The following AADACL3 variants were observed in gnomAD, a reference collection of about 807,000 sequenced individuals.
AADACL3 encodes the protein arylacetamide deacetylase-like 3.
AADACL3 carries 13 observed loss-of-function variants against 13.6 expected under a neutral mutation model. The ratio of observed to expected loss-of-function variants is 0.95; its 90% CI spans 0.62 to 1.52. The LOEUF (loss-of-function observed/expected upper bound fraction) is 1.52, where lower values mean the gene tolerates loss of function less well. AADACL3 is among the 40% of genes most tolerant of loss of function. The probability of loss-of-function intolerance (pLI) is 0.00; values close to 1 mark genes in which losing one functional copy is unlikely to be tolerated. For missense variants in AADACL3, 519 were observed against 499.2 expected, an observed-to-expected ratio of 1.04 and a Z score of -0.38; for synonymous variants, 195 against 197.0, an observed-to-expected ratio of 0.99 and a Z score of 0.08.
At position 12,726,219 on chromosome 1, in the gene AADACL3, C is replaced by G. The variant is rs1638368386; in HGVS notation, c.*223C>G. 5.4e-6 allele frequency: 3 copies of G among 556,716 alleles called. No individual in the cohort carries two copies. The highest frequency in any genetic ancestry group is 9.4e-6 in the Non-Finnish European group (3 of 320,852). The allele number at this position is 556,716 out of a possible 1,614,324, so 34.5% of individuals were successfully genotyped here. On this transcript the variant is annotated 3_prime_UTR_variant, in exon 4 of 4. Coordinates refer to ENST00000359318, the MANE Select transcript of AADACL3 (RefSeq NM_001103170.3). ...TTTGGAGGTGGGAGTGTGGCTGTCT[C>G]TATTCTCTGTTGGGAAAACCTGGGC...
In AADACL3 at chr1:12,726,350, G is replaced by A. The variant is rs1380020626; in HGVS notation, c.*354G>A. ...TCCCAGATTGATCCAGACTGTGTGT[G>A]ACTTTCGTCCATTTGACTTGACTTT... On this transcript the variant is annotated 3_prime_UTR_variant, in exon 4 of 4. Transcript: ENST00000359318. 4.2e-6 allele frequency: 1 copy of A among 237,222 alleles called. No homozygotes were observed. Among genetic ancestry groups the A allele is most frequent in the African/African-American group, 2.3e-5 (1 of 44,270 alleles). 14.7% of individuals were successfully genotyped at this position (237,222 alleles called of 1,614,324 possible).
chr1:12,725,267 CT>C lies in AADACL3; in HGVS notation c.496del (p.Cys166AlafsTer9). 6.2e-7 allele frequency: 1 copy of C among 1,612,852 alleles called. No individual in the cohort carries two copies. Among genetic ancestry groups the C allele is most frequent in the Non-Finnish European group, 8.5e-7 (1 of 1,179,572 alleles). Reference sequence around the variant, plus strand: ...ATAAGTTTCCAGTGCCAGTAAGAGACTGCTTGGTGGCCACCATCCACTTCCT... The same window carrying C: ...ATAAGTTTCCAGTGCCAGTAAGAGACGCTTGGTGGCCACCATCCACTTCCT... ...KHKFPVPVRD[C>X]LVATIHFLKS... On this transcript the variant is annotated frameshift_variant, in exon 4 of 4. Transcript: ENST00000359318. LOFTEE classifies it low-confidence loss of function (END_TRUNC).
intron 2 of AADACL3, 50 bp from the exon 3 acceptor site, chr1:12,720,833 C>T: frequency 6.6e-7 from 1 of 1,525,184 alleles, no homozygotes; most frequent in Non-Finnish European, 9.1e-7. Flanking sequence ...GTGACAATGG[C>T]TGGCAAAGGA....
rs765003383 is a variant in AADACL3 at position 12,725,317 on chromosome 1, T to G, written c.545T>G (p.Val182Gly). The G allele has an allele frequency of 1.2e-6, 2 of 1,613,686 alleles. No individual in the cohort carries two copies. The highest frequency in any genetic ancestry group is 1.7e-6 in the Non-Finnish European group (2 of 1,179,964). Residue 182 changes from valine (V) to glycine (G), a missense_variant, in exon 4 of 4, where the codon GTG becomes GGG. Coordinates refer to ENST00000359318, the MANE Select transcript of AADACL3 (RefSeq NM_001103170.3). Reference protein sequence around the residue: ...HFLKSLDAYGVDPARVVVCGD... With the variant: ...HFLKSLDAYGGDPARVVVCGD... ...CTGAAGTCCCTGGATGCATATGGAG[T>G]GGATCCAGCCCGGGTTGTGGTCTGC...
rs1029172352 is a variant in AADACL3 at position 12,726,763 on chromosome 1, G to C, written c.*767G>C. ...GAAGTTGGGAGGGAAGTGGGGTCCT[G>C]AGTTAGAGACCCATGAAGGCTGAGT... On this transcript the variant is annotated 3_prime_UTR_variant, in exon 4 of 4. Coordinates refer to ENST00000359318, the MANE Select transcript of AADACL3 (RefSeq NM_001103170.3). The C allele has an allele frequency of 2.4e-4, 36 of 152,286 alleles. No individual in the cohort carries two copies. The highest frequency in any genetic ancestry group is 8.0e-4 in the African/African-American group (33 of 41,460). 9.4% of individuals were successfully genotyped at this position (152,286 alleles called of 1,614,324 possible).
At position 12,719,632 on chromosome 1, in the gene AADACL3, G is replaced by A. The variant is rs1336764961; in HGVS notation, c.326G>A (p.Cys109Tyr). ...VKLYQPKAST[C>Y]TLKPGIVYYH... ...CTGTACCAACCCAAGGCATCCACCT[G>A]CACCCTGAAGCCTGGCATCGTGTAC... The change falls in exon 2 of 4, where the codon TGC (cysteine) becomes TAC (tyrosine). Residue 109 changes from cysteine to tyrosine, a missense_variant. By Grantham distance (194) the Cys-to-Tyr change is radical. Coordinates refer to ENST00000359318, the MANE Select transcript of AADACL3 (RefSeq NM_001103170.3). The A allele has an allele frequency of 7.4e-6, 12 of 1,614,228 alleles. No individual in the cohort carries two copies. Among genetic ancestry groups the A allele is most frequent in the Non-Finnish European group, 1.0e-5 (12 of 1,180,028 alleles).
chr1:12,719,379 CT>C, intron 1 of AADACL3, 95 bp from the exon 2 acceptor site: 1 of 1,224,290 alleles, frequency 8.2e-7, no homozygotes, highest in Admixed American at 1.8e-5. Flanking sequence ...CCAAAAACTC[CT>C]TTTGCCACCT....
At chr1:12,717,402 G>A (rs80049576) in intron 1 of AADACL3, among the ~76,000 whole-genome samples, 2,026 of 152,244 alleles carry the variant, frequency 0.013, 38 homozygotes, top group African/African-American at 0.045. Flanking sequence ...CTACTTCACA[G>A]GGTTTTGTGG....
Position 12,726,736 on chromosome 1 carries a change from G to A in AADACL3, c.*740G>A, listed in dbSNP as rs1174531704. The A allele has an allele frequency of 6.6e-6, 1 of 152,238 alleles. No individual in the cohort carries two copies. 9.4% of individuals were successfully genotyped at this position (152,238 alleles called of 1,614,324 possible). On this transcript the variant is annotated 3_prime_UTR_variant, in exon 4 of 4. Coordinates refer to ENST00000359318, the MANE Select transcript of AADACL3 (RefSeq NM_001103170.3). ...AGGCAATGTTCTAAGAATTTGAGAAGAGAAGTTGGGAGGGAAGTGGGGTCC... is the reference window on the plus strand; with the variant it reads ...AGGCAATGTTCTAAGAATTTGAGAAAAGAAGTTGGGAGGGAAGTGGGGTCC...
intron 3 of AADACL3, among the ~76,000 whole-genome samples, chr1:12,723,258 A>G (rs559274885): frequency 6.6e-6 from 1 of 152,278 alleles, no homozygotes; most frequent in African/African-American, 2.4e-5. Context: ...AGATTAAAAA[A>G]AATAATAATT....
At position 12,726,653 on chromosome 1, in the gene AADACL3, G is replaced by A. The variant is rs1046379808; in HGVS notation, c.*657G>A. 6.6e-6 allele frequency: 1 copy of A among 152,188 alleles called. No homozygotes were observed. The allele number at this position is 152,188 out of a possible 1,614,324, so 9.4% of individuals were successfully genotyped here. ...GGATGAAGACAGCCTGCAGCTGCCC[G>A]ACTTGGGGAGCTCTGGAGCTCCTGG... On this transcript the variant is annotated 3_prime_UTR_variant, in exon 4 of 4. Transcript: ENST00000359318.
rs866920812 is a variant in AADACL3, at chr1:12,725,457, G to C, written c.685G>C (p.Asp229His). The C allele has an allele frequency of 1.2e-6, 2 of 1,613,972 alleles. No homozygotes were observed. The highest frequency in any genetic ancestry group is 1.7e-6 in the Non-Finnish European group (2 of 1,179,960). The change falls in exon 4 of 4, where the codon GAT becomes CAT. Residue 229 changes from aspartate to histidine, a missense_variant. Asp to His is a moderately conservative substitution (Grantham distance 81). Coordinates refer to ENST00000359318, the MANE Select transcript of AADACL3 (RefSeq NM_001103170.3). ...ILIYAILQAL[D>H]LQTPSFQQRK... The stretch of plus-strand genomic sequence containing the variant: ...GATCTATGCCATTCTCCAAGCCCTG[G>C]ATTTACAAACCCCTTCGTTTCAACA...
At position 12,726,859 on chromosome 1, in the gene AADACL3, CT is replaced by C. The variant is rs1638380509; in HGVS notation, c.*864del. ...GGAACAGAAGATGTATTTGTGAAAACTATTTCTTTTTTAAGACATGGAACCA... is the reference window on the plus strand; with the variant it reads ...GGAACAGAAGATGTATTTGTGAAAACATTTCTTTTTTAAGACATGGAACCA... On this transcript the variant is annotated 3_prime_UTR_variant, in exon 4 of 4. Transcript: ENST00000359318. The C allele has an allele frequency of 1.3e-5, 2 of 152,204 alleles. No homozygotes were observed. The highest frequency in any genetic ancestry group is 2.9e-5 in the Non-Finnish European group (2 of 68,056). The allele number at this position is 152,204 out of a possible 1,614,324, so 9.4% of individuals were successfully genotyped here. A position where few individuals can be genotyped will look rare whatever the true frequency, so the allele number is the denominator to read the frequency against.
At chr1:12,721,427 T>C (rs569784316) in intron 3 of AADACL3, among the ~76,000 whole-genome samples, 2 of 148,292 alleles carry the variant, frequency 1.3e-5, no homozygotes, top group African/African-American at 5.0e-5. Flanking sequence ...AAAAAGAGAG[T>C]GAAAGAAAAA....
chr1:12,725,727 C>A lies in AADACL3; in HGVS notation c.955C>A (p.Leu319Met). The A allele has an allele frequency of 6.2e-7, 1 of 1,614,136 alleles. No homozygotes were observed. The highest frequency in any genetic ancestry group is 2.2e-5 in the East Asian group (1 of 44,874). Residue 319 changes from leucine (L) to methionine (M), a missense_variant, in exon 4 of 4, where the codon CTG becomes ATG. By Grantham distance (15) the Leu-to-Met change is conservative. Coordinates refer to ENST00000359318, the MANE Select transcript of AADACL3 (RefSeq NM_001103170.3). ...EAAYLEVSVV[L>M]DVMCSPLIAE... The stretch of plus-strand genomic sequence containing the variant: ...TGCTTACTTGGAAGTAAGTGTTGTC[C>A]TGGATGTGATGTGCTCGCCCCTGAT...
rs4240904 is a variant in AADACL3 at position 12,726,356 on chromosome 1, C to T, written c.*360C>T. The stretch of plus-strand genomic sequence containing the variant: ...ATTGATCCAGACTGTGTGTGACTTT[C>T]GTCCATTTGACTTGACTTTGGAATA... On this transcript the variant is annotated 3_prime_UTR_variant, in exon 4 of 4. Coordinates refer to ENST00000359318, the MANE Select transcript of AADACL3 (RefSeq NM_001103170.3). 0.081 allele frequency: 17,928 copies of T among 220,090 alleles called. 937 individuals are homozygous for T. Among genetic ancestry groups the T allele is most frequent in the East Asian group, 0.18 (1,671 of 9,220 alleles). The allele number at this position is 220,090 out of a possible 1,614,324, so 13.6% of individuals were successfully genotyped here.
chr1:12,718,442 A>T (rs1238191615), intron 1 of AADACL3, among the ~76,000 whole-genome samples: 1 of 151,410 alleles, frequency 6.6e-6, no homozygotes, highest in African/African-American at 2.4e-5. Flanking sequence ...ACAGACAAGG[A>T]TTAGGAAACA....
chr1:12,721,061 G>C, intron 3 of AADACL3, 115 bp downstream of exon 3: 1 of 567,648 alleles, frequency 1.8e-6, no homozygotes, highest in South Asian at 1.6e-5. Flanking sequence ...GATGGGAGCT[G>C]GAGGAAGCCC....
At position 12,726,024 on chromosome 1, in the gene AADACL3, G is replaced by T. The variant is rs1480309106; in HGVS notation, c.*28G>T. 2 of 1,578,322 alleles carry T rather than the reference G, an allele frequency of 1.3e-6. No homozygotes were observed. The highest frequency in any genetic ancestry group is 4.5e-5 in the East Asian group (2 of 44,616). On this transcript the variant is annotated 3_prime_UTR_variant, in exon 4 of 4. Transcript: ENST00000359318. ...ATCTTTCTTCTCTGCTGGTACTGCGGTGTGGATTCCACTGGCATCCAGCCT... is the reference window on the plus strand; with the variant it reads ...ATCTTTCTTCTCTGCTGGTACTGCGTTGTGGATTCCACTGGCATCCAGCCT...
Sources: gnomAD v4.1 joint callset for allele counts (sites outside exome capture counted in the v4.1 genomes callset) on GRCh38, gnomAD v4.1.1 for gene constraint, MANE v1.5 for transcripts, NCBI Gene and HGNC (gene_info 2026-07-23, HGNC 2026-07-21) for gene names.